PRDM2: variants seen among roughly 807,000 people sequenced by gnomAD.
PRDM2 encodes the protein PR domain zinc finger protein 2.
Under a neutral mutation model 130.0 loss-of-function variants are expected in PRDM2, and 30 were observed. The observed-to-expected ratio is 0.23, with a 90% confidence interval of 0.17 to 0.31. The LOEUF (loss-of-function observed/expected upper bound fraction) is 0.31, where lower values mean the gene tolerates loss of function less well. PRDM2 is among the 10% of genes least tolerant of loss of function. The probability of loss-of-function intolerance (pLI) is 1.00; values close to 1 mark genes in which losing one functional copy is unlikely to be tolerated. For synonymous variants in PRDM2, 871 were observed against 782.4 expected, an observed-to-expected ratio of 1.11 and a Z score of -1.89; for missense variants, 2,011 against 2,108.4, an observed-to-expected ratio of 0.95 and a Z score of 0.90.
At chr1:13,749,693 C>G (rs1643750888) in intron 6 of PRDM2, among the ~76,000 whole-genome samples, 1 of 151,726 alleles carries the variant, frequency 6.6e-6, no homozygotes, top group South Asian at 2.1e-4. Flanking sequence ...CCTGCGATCG[C>G]TGCCCTCCCG....
intron 8 of PRDM2, among the ~76,000 whole-genome samples, chr1:13,790,224 T>C (rs2100702892): frequency 6.6e-6 from 1 of 152,316 alleles, no homozygotes; most frequent in African/African-American, 2.4e-5. Context: ...ATGGGAAGAA[T>C]AACAGATGAG....
At chr1:13,798,505 A>G (rs1275634996) in intron 8 of PRDM2, among the ~76,000 whole-genome samples, 1 of 152,188 alleles carries the variant, frequency 6.6e-6, no homozygotes, top group East Asian at 1.9e-4. Flanking sequence ...GCAACCCACT[A>G]CAGCACAGTG....
At chr1:13,705,331 C>T (rs1446474879) in intron 1 of PRDM2, 1 of 152,092 alleles carries the variant, frequency 6.6e-6, no homozygotes, top group East Asian at 1.9e-4. Flanking sequence ...TTAGATATTT[C>T]TCCTAATACA....
At chr1:13,799,027 G>A (rs185046141) in intron 8 of PRDM2, among the ~76,000 whole-genome samples, 2,716 of 152,276 alleles carry the variant, frequency 0.018, 64 homozygotes, top group South Asian at 0.093. Context: ...TGGGTAATGT[G>A]ACTTAGTCAG....
rs574704252 is a variant in PRDM2 at position 13,812,475 on chromosome 1, TAAC to T, written c.5037-3944_5037-3942del. On this transcript the variant is annotated intron_variant, in intron 8 of 9. Coordinates refer to ENST00000311066, the MANE Select transcript of PRDM2 (RefSeq NM_001393986.1). ...GAAAAGGGCTATTGGGCTTTAGTTG[TAAC>T]AACAACACGTTTGGCAGTGCCATTT... Among the ~76,000 whole-genome samples, 8 of 152,258 alleles carry T rather than the reference TAAC, an allele frequency of 5.3e-5. No individual in the cohort carries two copies. In the South Asian group the frequency reaches 1.7e-3, roughly 32 times the overall value.
intron 8 of PRDM2, among the ~76,000 whole-genome samples, chr1:13,795,056 A>G (rs539169848): frequency 6.6e-6 from 1 of 152,344 alleles, no homozygotes; most frequent in Admixed American, 6.5e-5. Flanking sequence ...GTGAGAAAAA[A>G]GATGATTCAT....
At chr1:13,742,225 C>A (rs538875226) in intron 5 of PRDM2, 68 bp downstream of exon 5, 2 of 1,508,206 alleles carry the variant, frequency 1.3e-6, no homozygotes, top group Non-Finnish European at 1.8e-6. Flanking sequence ...TTTTTTGAGA[C>A]GGTCTCATTC....
chr1:13,823,201 A>G lies in PRDM2; in HGVS notation c.*66A>G. On this transcript the variant is annotated 3_prime_UTR_variant, in exon 10 of 10. Transcript: ENST00000311066. ...AATCAGTGAAGCCAAAGGGACTGGCAGTCTGCCCTGCAGGGAGTACCGACC... is the reference window on the plus strand; with the variant it reads ...AATCAGTGAAGCCAAAGGGACTGGCGGTCTGCCCTGCAGGGAGTACCGACC... The G allele has an allele frequency of 1.2e-6, 2 of 1,613,276 alleles. No individual in the cohort carries two copies. Among genetic ancestry groups the G allele is most frequent in the Non-Finnish European group, 1.7e-6 (2 of 1,179,312 alleles).
intron 7 of PRDM2, 134 bp downstream of exon 7, chr1:13,773,322 A>T: frequency 2.1e-6 from 1 of 487,434 alleles, no homozygotes; most frequent in East Asian, 3.5e-5. Context: ...AAAGCTGCCT[A>T]AATTTAATGT....
At chr1:13,817,033 G>A (rs745804172) in intron 9 of PRDM2, among the ~76,000 whole-genome samples, 1 of 152,186 alleles carries the variant, frequency 6.6e-6, no homozygotes, top group Non-Finnish European at 1.5e-5. Flanking sequence ...AAAGATGACC[G>A]AGTTCCTATT....
intron 8 of PRDM2, among the ~76,000 whole-genome samples, chr1:13,795,275 C>A (rs960322208): frequency 6.6e-6 from 1 of 152,162 alleles, no homozygotes; most frequent in African/African-American, 2.4e-5. Flanking sequence ...AAGGGCTTTC[C>A]ATGTATTACC....
Position 13,755,580 on chromosome 1 carries a change from A to T in PRDM2, c.511+6093A>T, listed in dbSNP as rs151065802. ...TCCACTTATAATTTGAAAGTAAAAA[A>T]CCTAATTTCCTGTGTTTTCCTTAAA... On this transcript the variant is annotated intron_variant, in intron 6 of 9. Transcript: ENST00000311066. Among the ~76,000 whole-genome samples, 40 of 152,214 alleles carry T rather than the reference A, an allele frequency of 2.6e-4. No homozygotes were observed. In the East Asian group the frequency reaches 7.5e-3, roughly 29 times the overall value.
rs1008463275 is a variant in PRDM2, at chr1:13,778,285, T to G, written c.623-133T>G. ...GTCAATTAAGTATATAAAGTAGAAG[T>G]AATTTATTGTTCATCATCATCTCCC... On this transcript the variant is annotated intron_variant, in intron 7 of 9. Transcript: ENST00000311066. 2.3e-5 allele frequency: 21 copies of G among 919,788 alleles called. 1 individual carries two copies. The Middle Eastern group carries it at 8.8e-4, about 38-fold the overall frequency. The allele number at this position is 919,788 out of a possible 1,614,324, so 57.0% of individuals were successfully genotyped here.
intron 8 of PRDM2, among the ~76,000 whole-genome samples, chr1:13,784,367 CCTT>C (rs1252889413): frequency 6.6e-6 from 1 of 152,108 alleles, no homozygotes; most frequent in Non-Finnish European, 1.5e-5. Flanking sequence ...GCAGAGTGTG[CCTT>C]CATTTTCACA....
At chr1:13,774,675 C>T (rs1482456109) in intron 7 of PRDM2, among the ~76,000 whole-genome samples, 1 of 152,116 alleles carries the variant, frequency 6.6e-6, no homozygotes, top group Middle Eastern at 3.2e-3. Context: ...CATCAGGTCC[C>T]ATGAAAAATG....
At chr1:13,755,000 G>C (rs1643914603) in intron 6 of PRDM2, among the ~76,000 whole-genome samples, 1 of 152,116 alleles carries the variant, frequency 6.6e-6, no homozygotes, top group Admixed American at 6.5e-5. Flanking sequence ...GCTGAGCATT[G>C]AATGTCCCGT....
At chr1:13,789,310 C>T (rs916280809) in intron 8 of PRDM2, among the ~76,000 whole-genome samples, 3 of 152,210 alleles carry the variant, frequency 2.0e-5, no homozygotes, top group Admixed American at 6.5e-5. Flanking sequence ...GTCTTGTCCT[C>T]GTTGTTACAA....
In PRDM2 at chr1:13,773,207, C is replaced by T. The variant is rs1557639835; in HGVS notation, c.622+19C>T. 4.1e-6 allele frequency: 6 copies of T among 1,464,526 alleles called. No individual in the cohort carries two copies. Among genetic ancestry groups the T allele is most frequent in the Non-Finnish European group, 4.6e-6 (5 of 1,086,988 alleles). 90.7% of individuals were successfully genotyped at this position (1,464,526 alleles called of 1,614,324 possible). A position where few individuals can be genotyped will look rare whatever the true frequency, so the allele number is the denominator to read the frequency against. ...GCAGAAGGTAAGCTTGTGATATTGGCTTGGTCTGAATTGGGTGTGTATGTA... is the reference window on the plus strand; with the variant it reads ...GCAGAAGGTAAGCTTGTGATATTGGTTTGGTCTGAATTGGGTGTGTATGTA... On this transcript the variant is annotated intron_variant, in intron 7 of 9. Transcript: ENST00000311066.
rs1557670012 is a variant in PRDM2, at chr1:13,803,210, A to G, written c.5037-13217A>G. On this transcript the variant is annotated intron_variant, in intron 8 of 9. Coordinates refer to ENST00000311066, the MANE Select transcript of PRDM2 (RefSeq NM_001393986.1). The surrounding 1 kb of genome is among the most constrained non-coding windows in gnomAD (Gnocchi z 6.2). ...ACCTTGGCAATGAGAGAAACCGTAT[A>G]GGAAGCCACGCTGGGAGGATTTGGT... Among the ~76,000 whole-genome samples, 6 of 152,236 alleles carry G rather than the reference A, an allele frequency of 3.9e-5. No homozygotes were observed. Among genetic ancestry groups the G allele is most frequent in the African/African-American group, 9.6e-5 (4 of 41,456 alleles).
Sources: gnomAD v4.1 joint callset for allele counts (sites outside exome capture counted in the v4.1 genomes callset) on GRCh38, gnomAD v4.1.1 for gene constraint, Gnocchi (gnomAD v3.1) non-coding constraint, MANE v1.5 for transcripts, NCBI Gene and HGNC (gene_info 2026-07-23, HGNC 2026-07-21) for gene names.